RALGAPA1: variants seen among roughly 807,000 people sequenced by gnomAD.
RALGAPA1 encodes the protein Ral GTPase activating protein catalytic subunit alpha 1, also known as ral GTPase-activating protein subunit alpha-1.
Under a neutral mutation model 269.6 loss-of-function variants are expected in RALGAPA1, and 52 were observed. The ratio of observed to expected loss-of-function variants is 0.19; its 90% CI spans 0.15 to 0.24. The LOEUF (loss-of-function observed/expected upper bound fraction) is 0.24. Ranked by LOEUF, RALGAPA1 falls within the 10% of genes least tolerant of loss-of-function variation. The pLI, the probability that RALGAPA1 is intolerant of heterozygous loss-of-function variation, is 1.00. For synonymous variants in RALGAPA1, 817 were observed against 1,008.3 expected, an observed-to-expected ratio of 0.81 and a Z score of 3.60; for missense variants, 1,917 against 3,013.9, an observed-to-expected ratio of 0.64 and a Z score of 8.52.
At chr14:35,693,115 A>G (rs921105410) in intron 17 of RALGAPA1, among the ~76,000 whole-genome samples, 1 of 151,952 alleles carries the variant, frequency 6.6e-6, no homozygotes, top group East Asian at 1.9e-4. Context: ...AATACATCAT[A>G]TATGTTTTGT....
Position 35,609,069 on chromosome 14 carries a change from AC to A in RALGAPA1, c.6930-3361del, listed in dbSNP as rs535820487. On this transcript the variant is annotated intron_variant, in intron 35 of 41. Transcript: ENST00000680220. ...GTGTAACCCCGTCTCTACTAAAAAT[AC>A]AAAAAATTAGCCAGGCGTCGGTGGG... Among the ~76,000 whole-genome samples, 9 of 152,276 alleles carry A rather than the reference AC, an allele frequency of 5.9e-5. No individual in the cohort carries two copies. The South Asian group carries it at 1.4e-3, about 25-fold the overall frequency.
At chr14:35,649,516 T>C (rs1256606961) in intron 31 of RALGAPA1, among the ~76,000 whole-genome samples, 1 of 152,174 alleles carries the variant, frequency 6.6e-6, no homozygotes, top group African/African-American at 2.4e-5. Flanking sequence ...CTCTTAACTG[T>C]CCACTTCACA....
chr14:35,635,768 C>T (rs1275582725), intron 31 of RALGAPA1, among the ~76,000 whole-genome samples, 170 bp from the exon 32 acceptor site: 1 of 152,112 alleles, frequency 6.6e-6, no homozygotes, highest in Non-Finnish European at 1.5e-5. Context: ...TGTATATGAA[C>T]ATTATTGTGG....
intron 31 of RALGAPA1, among the ~76,000 whole-genome samples, chr14:35,645,603 C>T (rs921174986): frequency 2.6e-5 from 4 of 151,632 alleles, no homozygotes; most frequent in East Asian, 1.9e-4. Context: ...TGGTGGCGGG[C>T]GCCTGTAGTC....
chr14:35,681,712 G>A (rs1158887623), intron 21 of RALGAPA1, among the ~76,000 whole-genome samples: 2 of 152,018 alleles, frequency 1.3e-5, no homozygotes, highest in Non-Finnish European at 2.9e-5. Context: ...AATGGCAACT[G>A]CACATGGTCT....
chr14:35,774,316 C>T (rs2074860866), intron 3 of RALGAPA1, among the ~76,000 whole-genome samples: 1 of 152,032 alleles, frequency 6.6e-6, no homozygotes, highest in African/African-American at 2.4e-5. Flanking sequence ...TTCTACAGGT[C>T]TCGAAATTCT....
chr14:35,705,929 T>C (rs2067768144), intron 16 of RALGAPA1, among the ~76,000 whole-genome samples: 2 of 152,228 alleles, frequency 1.3e-5, no homozygotes, highest in South Asian at 4.1e-4. Context: ...ATATGCTTAG[T>C]TGCCATCTCT....
intron 4 of RALGAPA1, among the ~76,000 whole-genome samples, chr14:35,763,364 T>C (rs1198113335): frequency 6.6e-6 from 1 of 152,168 alleles, no homozygotes; most frequent in African/African-American, 2.4e-5. Flanking sequence ...TGTACAGGTA[T>C]CACTGAGGCC....
At chr14:35,601,752 T>C (rs1182669101) in intron 36 of RALGAPA1, among the ~76,000 whole-genome samples, 4 of 152,244 alleles carry the variant, frequency 2.6e-5, no homozygotes, top group African/African-American at 9.6e-5. Flanking sequence ...CAGAGTCTTC[T>C]TATGCTTGTT....
chr14:35,599,031 A>G (rs1462227426), intron 36 of RALGAPA1, among the ~76,000 whole-genome samples: 2 of 152,160 alleles, frequency 1.3e-5, no homozygotes, highest in Non-Finnish European at 2.9e-5. Flanking sequence ...TACATTATAT[A>G]TACATAACTT....
intron 16 of RALGAPA1, chr14:35,715,752 A>T (rs759896398): frequency 2.3e-5 from 23 of 985,242 alleles, no homozygotes; most frequent in Non-Finnish European, 3.6e-6. Context: ...TTTAACATGG[A>T]AGTCTTCAAT....
chr14:35,671,605 T>C (rs2064449320), intron 25 of RALGAPA1, 88 bp from the exon 26 acceptor site: 2 of 633,824 alleles, frequency 3.2e-6, no homozygotes, highest in South Asian at 5.8e-5. Context: ...AGATAACATA[T>C]GAAATAATAA....
intron 35 of RALGAPA1, among the ~76,000 whole-genome samples, chr14:35,621,093 T>G (rs1437259941): frequency 6.6e-6 from 1 of 152,108 alleles, no homozygotes; most frequent in Admixed American, 6.6e-5. Flanking sequence ...GGAGGCATCA[T>G]GCTACCTGAC....
intron 12 of RALGAPA1, among the ~76,000 whole-genome samples, chr14:35,735,943 C>T (rs867498057): frequency 2.6e-5 from 4 of 152,296 alleles, no homozygotes; most frequent in Admixed American, 6.5e-5. Flanking sequence ...AAGACTTCTG[C>T]ATTGCTGCCT....
chr14:35,592,562 T>A (rs1305776992), intron 37 of RALGAPA1, among the ~76,000 whole-genome samples: 1 of 152,132 alleles, frequency 6.6e-6, no homozygotes, highest in East Asian at 1.9e-4. Context: ...AAACTACAGG[T>A]CAATTTCTCT....
intron 12 of RALGAPA1, among the ~76,000 whole-genome samples, chr14:35,729,882 G>C (rs1567106552): frequency 6.6e-6 from 1 of 152,154 alleles, no homozygotes; most frequent in Non-Finnish European, 1.5e-5. Flanking sequence ...CTGACGGGAA[G>C]CAGAACTAAA....
At chr14:35,781,352 G>A (rs2075413108) in intron 1 of RALGAPA1, among the ~76,000 whole-genome samples, 1 of 152,104 alleles carries the variant, frequency 6.6e-6, no homozygotes, top group African/African-American at 2.4e-5. Context: ...TGAGAAGATT[G>A]AATTAGTGGG....
rs192768313 is a variant in RALGAPA1, at chr14:35,701,434, C to T, written c.2267-1132G>A. ...TCACACAACTCACACAAGGCCTTTA[C>T]GACTTGCCTACAATCTACCACTCAG... is the stretch of plus-strand genomic sequence containing the variant. On this transcript the variant is annotated intron_variant, in intron 16 of 41. Transcript: ENST00000680220. 2.3e-4 allele frequency among the ~76,000 whole-genome samples: 35 copies of T among 152,292 alleles called. No homozygotes were observed. The East Asian group carries it at 5.6e-3, about 24-fold the overall frequency.
At chr14:35,630,097 G>C (rs559814475) in intron 33 of RALGAPA1, among the ~76,000 whole-genome samples, 1 of 152,104 alleles carries the variant, frequency 6.6e-6, no homozygotes, top group South Asian at 2.1e-4. Context: ...AATACCACTG[G>C]GTATAGGCAA....
Sources: allele counts gnomAD v4.1 joint callset (sites outside exome capture counted in the v4.1 genomes callset), GRCh38; gene constraint gnomAD v4.1.1; transcripts MANE v1.5; gene names NCBI Gene and HGNC (gene_info 2026-07-23, HGNC 2026-07-21).